RORA: variants seen among roughly 807,000 people sequenced by gnomAD.
RORA encodes RAR related orphan receptor A.
Under a neutral mutation model 69.5 loss-of-function variants are expected in RORA, and 7 were observed. The ratio of observed to expected loss-of-function variants is 0.10; its 90% CI spans 0.06 to 0.19. The LOEUF (loss-of-function observed/expected upper bound fraction) is 0.19. Among genes scored for constraint, RORA ranks in the 10% least tolerant of loss-of-function variants. The pLI is 1.00. For synonymous variants in RORA, 261 were observed against 240.8 expected, an observed-to-expected ratio of 1.08 and a Z score of -0.78; for missense variants, 457 against 663.0, an observed-to-expected ratio of 0.69 and a Z score of 3.41.
intron 1 of RORA, among the ~76,000 whole-genome samples, chr15:60,681,290 T>C (rs1040762893): frequency 9.2e-5 from 14 of 152,220 alleles, no homozygotes; most frequent in African/African-American, 3.4e-4. Flanking sequence ...AGTACACTCA[T>C]GGCAAATCTT....
rs200613145 is a variant in RORA at position 60,567,413 on chromosome 15, A to AT, written c.197-35563dup. On this transcript the variant is annotated intron_variant, in intron 2 of 10. Coordinates refer to ENST00000335670, the MANE Select transcript of RORA (RefSeq NM_134261.3). ...TATTATCATTATTATTATTATTATTATTATTTTTTTTTTTCTGAGACTGAG... is the reference window on the plus strand; with the variant it reads ...TATTATCATTATTATTATTATTATTATTTATTTTTTTTTTTCTGAGACTGAG... Among the ~76,000 whole-genome samples the AT allele has an allele frequency of 9.9e-3, 1,456 of 147,404 alleles. 11 individuals carry two copies. Among genetic ancestry groups the AT allele is most frequent in the Non-Finnish European group, 0.015 (989 of 67,056 alleles).
chr15:60,947,099 C>T (rs1016103438), intron 1 of RORA, among the ~76,000 whole-genome samples: 35 of 133,986 alleles, frequency 2.6e-4, no homozygotes, highest in African/African-American at 6.9e-4. Context: ...CCGCCCTGTC[C>T]GGGAGGGAGG....
intron 7 of RORA, 95 bp downstream of exon 7, chr15:60,503,440 A>T: frequency 4.7e-6 from 6 of 1,272,224 alleles, no homozygotes; most frequent in Non-Finnish European, 6.6e-6. Context: ...TTGGAGAAAA[A>T]CTGTTCCCGA....
intron 1 of RORA, among the ~76,000 whole-genome samples, chr15:60,933,427 C>T (rs1485046976): frequency 1.3e-5 from 2 of 152,200 alleles, no homozygotes; most frequent in South Asian, 2.1e-4. Context: ...GGAAATTTTG[C>T]CTACGCTTCC....
chr15:60,976,355 G>A (rs958170526), intron 1 of RORA, among the ~76,000 whole-genome samples: 4 of 152,124 alleles, frequency 2.6e-5, no homozygotes, highest in Non-Finnish European at 4.4e-5. Flanking sequence ...AAGCTAAGTA[G>A]ATCGCCCACA....
intron 1 of RORA, chr15:61,195,970 T>C (rs2079842279): frequency 6.6e-6 from 1 of 152,244 alleles, no homozygotes; most frequent in Non-Finnish European, 1.5e-5. Flanking sequence ...CATTTTATAA[T>C]CTTGATCAAT....
intron 2 of RORA, among the ~76,000 whole-genome samples, chr15:60,577,798 TA>T (rs2068070692): frequency 6.6e-6 from 1 of 152,168 alleles, no homozygotes; most frequent in South Asian, 2.1e-4. Context: ...TATTAACATA[TA>T]AAAATAAGTA....
chr15:60,532,541 C>CTGAT (rs912870610), intron 2 of RORA, among the ~76,000 whole-genome samples: 28 of 152,242 alleles, frequency 1.8e-4, no homozygotes, highest in Admixed American at 6.5e-5. Flanking sequence ...TTCTACCCAA[C>CTGAT]TGATTACTTA....
At chr15:60,983,711 C>G (rs1894113834) in intron 1 of RORA, among the ~76,000 whole-genome samples, 1 of 152,136 alleles carries the variant, frequency 6.6e-6, no homozygotes, top group Non-Finnish European at 1.5e-5. Flanking sequence ...ACCCATGACC[C>G]ATAAGCTCCC....
chr15:60,925,565 C>A (rs1249496077), intron 1 of RORA, among the ~76,000 whole-genome samples: 1 of 152,220 alleles, frequency 6.6e-6, no homozygotes, highest in Non-Finnish European at 1.5e-5. Context: ...GTCAGGGAAT[C>A]CCCAGCGGGG....
At chr15:60,510,873 A>ATTTTT (rs113383793) in intron 5 of RORA, among the ~76,000 whole-genome samples, 6 of 147,914 alleles carry the variant, frequency 4.1e-5, no homozygotes, top group African/African-American at 1.5e-4. Flanking sequence ...GTGGACTGCC[A>ATTTTT]TTTTTTTTTT....
intron 2 of RORA, among the ~76,000 whole-genome samples, chr15:60,566,057 G>C (rs1294629665): frequency 6.6e-6 from 1 of 152,104 alleles, no homozygotes; most frequent in African/African-American, 2.4e-5. Flanking sequence ...AGGGTATCAA[G>C]GAAAGTCTTC....
chr15:61,105,235 G>A (rs2078935870), intron 1 of RORA, among the ~76,000 whole-genome samples: 1 of 152,010 alleles, frequency 6.6e-6, no homozygotes, highest in Non-Finnish European at 1.5e-5. Flanking sequence ...CCATACTTGG[G>A]TATTATATAT....
At chr15:60,930,577 T>G (rs1254689654) in intron 1 of RORA, among the ~76,000 whole-genome samples, 6 of 152,218 alleles carry the variant, frequency 3.9e-5, no homozygotes, top group African/African-American at 1.4e-4. Context: ...ATGTGAACAC[T>G]TCCGGACACC....
At chr15:60,644,232 G>A (rs1434037809) in intron 2 of RORA, among the ~76,000 whole-genome samples, 2 of 152,162 alleles carry the variant, frequency 1.3e-5, no homozygotes, top group Non-Finnish European at 2.9e-5. Flanking sequence ...GAAGGCTTCT[G>A]TGGACAGGTA....
chr15:60,814,699 T>A (rs2072786335), intron 1 of RORA, among the ~76,000 whole-genome samples: 1 of 152,118 alleles, frequency 6.6e-6, no homozygotes, highest in South Asian at 2.1e-4. Flanking sequence ...GTCCTTCCAT[T>A]TCCCTCCCCA....
chr15:60,656,965 T>G (rs1368905849), intron 2 of RORA, among the ~76,000 whole-genome samples: 1 of 152,180 alleles, frequency 6.6e-6, no homozygotes, highest in Non-Finnish European at 1.5e-5. Context: ...AGTGACTCTC[T>G]TTTTGGTATA....
chr15:60,756,427 GA>G (rs1278610624), intron 1 of RORA, among the ~76,000 whole-genome samples: 1 of 152,166 alleles, frequency 6.6e-6, no homozygotes, highest in African/African-American at 2.4e-5. Flanking sequence ...AGTAAAATTT[GA>G]AAAGTTTATA....
intron 1 of RORA, among the ~76,000 whole-genome samples, chr15:60,909,171 C>T (rs949693916): frequency 1.2e-4 from 18 of 152,198 alleles, no homozygotes; most frequent in Non-Finnish European, 2.2e-4. Flanking sequence ...ACAGAGTTAC[C>T]TCTCTCCACC....
Sources: allele counts gnomAD v4.1 joint callset (sites outside exome capture counted in the v4.1 genomes callset), GRCh38; gene constraint gnomAD v4.1.1; transcripts MANE v1.5; gene names NCBI Gene and HGNC (gene_info 2026-07-23, HGNC 2026-07-21).